RYR3: variants seen among roughly 807,000 people sequenced by gnomAD.
The protein encoded by RYR3 is ryanodine receptor 3.
A neutral mutation model predicts 584.3 loss-of-function variants in RYR3; 207 were observed. The observed-to-expected ratio is 0.35, with a 90% CI of 0.32 to 0.40. The LOEUF is 0.40. Among genes scored for constraint, RYR3 ranks in the 10% least tolerant of loss-of-function variants. The pLI is 1.00. For missense variants in RYR3, 5,616 were observed against 6,089.2 expected (o/e 0.92, Z 2.59); for synonymous variants, 2,416 against 2,248.5 (o/e 1.07, Z -2.11).
intron 1 of RYR3, among the ~76,000 whole-genome samples, chr15:33,452,998 T>G (rs2047251597): frequency 6.6e-6 from 1 of 152,186 alleles, no homozygotes; most frequent in African/African-American, 2.4e-5. Context: ...GCCAGAAGCC[T>G]CCTGGCTCCA....
In RYR3 at chr15:33,310,998, G is replaced by T; in HGVS notation, c.-48G>T. The T allele has an allele frequency of 6.7e-7, 1 of 1,500,580 alleles. No individual in the cohort carries two copies. The highest frequency in any genetic ancestry group is 1.2e-5 in the South Asian group (1 of 82,954). The allele number at this position is 1,500,580 out of a possible 1,614,324, so 93.0% of individuals were successfully genotyped here. A position where few individuals can be genotyped will look rare whatever the true frequency, so the allele number is the denominator to read the frequency against. ...CAGCGCACGCCGAGCGGCTGCCGGG[G>T]GAAGCAGAGGCGCCGGAGGCTGGGG... On this transcript the variant is annotated 5_prime_UTR_variant, in exon 1 of 104. Coordinates refer to ENST00000634891, the MANE Select transcript of RYR3 (RefSeq NM_001036.6).
chr15:33,562,482 T>G (rs776148062), intron 10 of RYR3, among the ~76,000 whole-genome samples: 15 of 152,190 alleles, frequency 9.9e-5, no homozygotes, highest in Non-Finnish European at 1.5e-4. Flanking sequence ...AATAAGTTAA[T>G]TGGCTAGTAA....
chr15:33,434,680 T>G (rs1050119970), intron 1 of RYR3, among the ~76,000 whole-genome samples: 2 of 152,184 alleles, frequency 1.3e-5, no homozygotes. Flanking sequence ...TACCGATAAC[T>G]GTGTGCCCCT....
At chr15:33,689,469 G>T (rs1246350363) in intron 38 of RYR3, among the ~76,000 whole-genome samples, 1 of 152,032 alleles carries the variant, frequency 6.6e-6, no homozygotes, top group African/African-American at 2.4e-5. Context: ...ACACATACAG[G>T]TACTTTATGT....
chr15:33,704,269 G>A lies in RYR3; in HGVS notation c.6484-2650G>A, dbSNP rs187529330. ...AGCCTGGGAGCCTGGGTGACAGAGC[G>A]AGACTCCGTCTCAAAAAAAAAAAAA... On this transcript the variant is annotated intron_variant, in intron 42 of 103. Coordinates refer to ENST00000634891, the MANE Select transcript of RYR3 (RefSeq NM_001036.6). 4.6e-4 allele frequency among the ~76,000 whole-genome samples: 66 copies of A among 142,042 alleles called. No individual in the cohort carries two copies. In the East Asian group the frequency reaches 0.012, roughly 26 times the overall value. The allele number at this position is 142,042 out of a possible 152,430, so 93.2% of individuals were successfully genotyped here.
chr15:33,502,503 A>T (rs2052081509), intron 2 of RYR3, among the ~76,000 whole-genome samples: 1 of 152,208 alleles, frequency 6.6e-6, no homozygotes, highest in Admixed American at 6.5e-5. Flanking sequence ...TGTAGGAAAC[A>T]AAGGATTGGT....
chr15:33,722,489 T>TG (rs2068009504), intron 43 of RYR3: 1 of 549,162 alleles, frequency 1.8e-6, no homozygotes, highest in South Asian at 2.6e-5. Flanking sequence ...CAAGAGTAGA[T>TG]GAGGCTGGTT....
intron 43 of RYR3, among the ~76,000 whole-genome samples, chr15:33,717,826 C>G (rs1459717628): frequency 6.6e-6 from 1 of 152,134 alleles, no homozygotes; most frequent in Non-Finnish European, 1.5e-5. Flanking sequence ...GTCTCTAGGT[C>G]AGTTACTAGC....
At chr15:33,481,694 C>T (rs1171987434) in intron 2 of RYR3, among the ~76,000 whole-genome samples, 1 of 151,718 alleles carries the variant, frequency 6.6e-6, no homozygotes, top group Non-Finnish European at 1.5e-5. Flanking sequence ...GTTGGCCAGG[C>T]TGGTCTGGAA....
chr15:33,599,050 G>A (rs543033841), intron 16 of RYR3, among the ~76,000 whole-genome samples: 222 of 116,792 alleles, frequency 1.9e-3, no homozygotes, highest in Non-Finnish European at 2.9e-3. Context: ...GCGAGACTCC[G>A]TCTCCAAAAA....
intron 1 of RYR3, among the ~76,000 whole-genome samples, chr15:33,366,032 T>C (rs1975447378): frequency 1.3e-5 from 2 of 152,138 alleles, no homozygotes; most frequent in South Asian, 4.2e-4. Context: ...AATTGAGAAA[T>C]GTAAACTGAA....
At chr15:33,792,357 C>A (rs1311281468) in intron 67 of RYR3, among the ~76,000 whole-genome samples, 3 of 152,132 alleles carry the variant, frequency 2.0e-5, no homozygotes, top group African/African-American at 7.2e-5. Context: ...GCCTCTCCCC[C>A]AACCCGAGTC....
At chr15:33,438,812 G>T (rs1003815591) in intron 1 of RYR3, among the ~76,000 whole-genome samples, 12 of 152,152 alleles carry the variant, frequency 7.9e-5, no homozygotes, top group Non-Finnish European at 1.6e-4. Context: ...TAAAAGAATG[G>T]ACTCTATTGC....
intron 2 of RYR3, among the ~76,000 whole-genome samples, chr15:33,475,906 T>A (rs753237833): frequency 1.2e-4 from 19 of 152,344 alleles, no homozygotes; most frequent in Non-Finnish European, 2.2e-4. Context: ...TTTCTTGTTC[T>A]TTAAAATAAG....
At position 33,831,787 on chromosome 15, in the gene RYR3, AT is replaced by A. The variant is rs561527823; in HGVS notation, c.11463+705del. On this transcript the variant is annotated intron_variant, in intron 86 of 103. Coordinates refer to ENST00000634891, the MANE Select transcript of RYR3 (RefSeq NM_001036.6). ...GTATCATTACCGTCGGTGATACAAG[AT>A]TTTTTTTTAAAGCAAAAGTAATACT... Among the ~76,000 whole-genome samples the A allele has an allele frequency of 1.2e-3, 184 of 151,892 alleles. 1 individual carries two copies. Among genetic ancestry groups the A allele is most frequent in the African/African-American group, 4.1e-3 (170 of 41,418 alleles).
At chr15:33,816,273 C>A (rs2076807303) in intron 74 of RYR3, among the ~76,000 whole-genome samples, 1 of 152,298 alleles carries the variant, frequency 6.6e-6, no homozygotes, top group South Asian at 2.1e-4. Context: ...TTCAGTGCAC[C>A]CACATACCAG....
At position 33,632,949 on chromosome 15, in the gene RYR3, C is replaced by A; in HGVS notation, c.2868C>A (p.Asn956Lys). The change falls in exon 24 of 104, where the codon AAC (asparagine) becomes AAA (lysine). Residue 956 changes from asparagine to lysine, a missense_variant and splice_region_variant. This residue lies in a region of RYR3 where 1,284 missense variants were observed against 1,344.6 expected (regional missense o/e 0.95). Transcript: ENST00000634891. ...EDLKKVKLPK[N>K]YMMSNGYKPA... ...TGTATACTTTTACATTTACTTGTAG[C>A]TATATGATGTCCAACGGCTATAAGC... The A allele has an allele frequency of 6.2e-7, 1 of 1,610,770 alleles. No individual in the cohort carries two copies. The highest frequency in any genetic ancestry group is 8.5e-7 in the Non-Finnish European group (1 of 1,178,228).
rs2288612 is a variant in RYR3, at chr15:33,818,558, A to G, written c.10600-20A>G. 0.11 allele frequency: 169,123 copies of G among 1,579,554 alleles called. 9,757 individuals carry two copies. Among genetic ancestry groups the G allele is most frequent in the South Asian group, 0.16 (14,864 of 90,104 alleles). ...GAGATTAAATTCATGCCTAAAACCT[A>G]TCTGTGTTGGTTTGTGTAGAAATCT... is the stretch of plus-strand genomic sequence containing the variant. On this transcript the variant is annotated intron_variant, in intron 75 of 103. Coordinates refer to ENST00000634891, the MANE Select transcript of RYR3 (RefSeq NM_001036.6).
intron 1 of RYR3, among the ~76,000 whole-genome samples, chr15:33,425,878 G>C (rs78556851): frequency 1.3e-5 from 2 of 152,000 alleles, no homozygotes; most frequent in South Asian, 4.2e-4. Context: ...TCCTGACCTC[G>C]TGATCCGCCC....
Sources: allele counts gnomAD v4.1 joint callset (sites outside exome capture counted in the v4.1 genomes callset), GRCh38; gene constraint gnomAD v4.1.1; regional missense constraint gnomAD v4.1.1; transcripts MANE v1.5; gene names NCBI Gene and HGNC (gene_info 2026-07-23, HGNC 2026-07-21).